The following SDK1 variants were observed in gnomAD, a reference collection of about 807,000 sequenced individuals.
SDK1 encodes the protein sidekick cell adhesion molecule 1, also known as protein sidekick-1.
Under a neutral mutation model 245.5 loss-of-function variants are expected in SDK1, and 157 were observed. The ratio of observed to expected loss-of-function variants is 0.64; its 90% CI spans 0.56 to 0.73. The LOEUF is 0.73. SDK1 is among the 30% of genes least tolerant of loss of function. The pLI is 0.00. For synonymous variants in SDK1, 1,647 were observed against 1,278.5 expected, an observed-to-expected ratio of 1.29 and a Z score of -6.15; for missense variants, 3,583 against 3,002.3, an observed-to-expected ratio of 1.19 and a Z score of -4.52.
intron 17 of SDK1, among the ~76,000 whole-genome samples, chr7:4,020,417 T>A (rs886839614): frequency 3.3e-5 from 5 of 152,158 alleles, no homozygotes; most frequent in Non-Finnish European, 7.3e-5. Context: ...AGCGAGCGTA[T>A]GAATTCTGTC....
chr7:3,315,879 T>C (rs951869607), intron 1 of SDK1, among the ~76,000 whole-genome samples: 1 of 152,182 alleles, frequency 6.6e-6, no homozygotes. Flanking sequence ...TTGGGCCTTA[T>C]TTTGTTCATC....
intron 1 of SDK1, among the ~76,000 whole-genome samples, chr7:3,311,658 A>G (rs1171750995): frequency 1.3e-5 from 2 of 152,202 alleles, no homozygotes; most frequent in Non-Finnish European, 2.9e-5. Context: ...TTTCTGTTTC[A>G]TATGTTGCGA....
At chr7:3,758,022 C>T (rs1036781213) in intron 4 of SDK1, among the ~76,000 whole-genome samples, 1 of 152,058 alleles carries the variant, frequency 6.6e-6, no homozygotes, top group Non-Finnish European at 1.5e-5. Flanking sequence ...GCACAAAGAC[C>T]AAACGTATCT....
chr7:3,521,613 T>A (rs1040541096), intron 1 of SDK1, among the ~76,000 whole-genome samples: 4 of 152,220 alleles, frequency 2.6e-5, no homozygotes, highest in South Asian at 2.1e-4. Context: ...AAAGGCCTTA[T>A]AGAGGAGGAA....
At chr7:3,431,299 A>C (rs1779837893) in intron 1 of SDK1, among the ~76,000 whole-genome samples, 1 of 150,690 alleles carries the variant, frequency 6.6e-6, no homozygotes. Flanking sequence ...ATAAAGTGCC[A>C]CCAAAGAGCT....
chr7:3,902,924 C>G (rs1357711987), intron 5 of SDK1, among the ~76,000 whole-genome samples: 1 of 152,038 alleles, frequency 6.6e-6, no homozygotes, highest in Non-Finnish European at 1.5e-5. Context: ...ATTTTTACCA[C>G]TCAACAATAA....
chr7:3,657,854 A>G (rs963857836), intron 4 of SDK1, among the ~76,000 whole-genome samples: 2 of 152,232 alleles, frequency 1.3e-5, no homozygotes, highest in African/African-American at 4.8e-5. Context: ...GCAGGGGGAA[A>G]GAAAGTGGCT....
chr7:4,221,250 T>C lies in SDK1; in HGVS notation c.5713T>C (p.Ser1905Pro), dbSNP rs763085278. Reference protein sequence around the residue: ...TAGPAEGSPGSPRDVLVTKSA... With the variant: ...TAGPAEGSPGPPRDVLVTKSA... ...TCTTTATCCCGCAGGATCCCCGGGCTCGCCTAGAGATGTCCTGGTCACCAA... is the reference window on the plus strand; with the variant it reads ...TCTTTATCCCGCAGGATCCCCGGGCCCGCCTAGAGATGTCCTGGTCACCAA... Residue 1905 changes from serine to proline, a missense_variant, in exon 40 of 45, where the codon TCG (serine) becomes CCG (proline). Physicochemically the swap from Ser to Pro is moderately conservative, Grantham distance 74. Coordinates refer to ENST00000404826, the MANE Select transcript of SDK1 (RefSeq NM_152744.4). 16 of 1,613,400 alleles carry C rather than the reference T, an allele frequency of 9.9e-6. No homozygotes were observed. Among genetic ancestry groups the C allele is most frequent in the African/African-American group, 1.3e-5 (1 of 74,874 alleles).
chr7:3,844,215 C>T (rs1423072251), intron 5 of SDK1, among the ~76,000 whole-genome samples: 6 of 152,174 alleles, frequency 3.9e-5, no homozygotes, highest in African/African-American at 1.2e-4. Context: ...AGGTGATCTG[C>T]CCACCTCAGC....
chr7:3,370,280 A>G (rs781178310), intron 1 of SDK1, among the ~76,000 whole-genome samples: 8 of 152,214 alleles, frequency 5.3e-5, no homozygotes, highest in Non-Finnish European at 1.2e-4. Flanking sequence ...AGTGAAGCAG[A>G]TGGCTCTTTC....
At chr7:3,645,518 C>G (rs1415835196) in intron 4 of SDK1, among the ~76,000 whole-genome samples, 1 of 152,154 alleles carries the variant, frequency 6.6e-6, no homozygotes, top group Non-Finnish European at 1.5e-5. Flanking sequence ...ATCCCAAGTA[C>G]ACTGATTTGA....
At position 4,079,602 on chromosome 7, in the gene SDK1, C is replaced by T; in HGVS notation, c.3324+18C>T. 1 of 1,613,778 alleles carries T rather than the reference C, an allele frequency of 6.2e-7. No homozygotes were observed. On this transcript the variant is annotated intron_variant, in intron 22 of 44. Coordinates refer to ENST00000404826, the MANE Select transcript of SDK1 (RefSeq NM_152744.4). ...AGGGGCAGGTACGTGTGTCGTTAGA[C>T]TGGGAGCTGGCATTTGCGAAGAGCA...
At chr7:3,592,560 G>C (rs76659737) in intron 1 of SDK1, among the ~76,000 whole-genome samples, 4,059 of 152,194 alleles carry the variant, frequency 0.027, 175 homozygotes, top group African/African-American at 0.087. Flanking sequence ...GCCCAGTGAA[G>C]GTTATTTATT....
chr7:3,583,920 G>C (rs1331223841), intron 1 of SDK1, among the ~76,000 whole-genome samples: 1 of 152,160 alleles, frequency 6.6e-6, no homozygotes, highest in Non-Finnish European at 1.5e-5. Flanking sequence ...TGTTTGCTTG[G>C]AGTGAAGGTC....
At chr7:4,249,174 A>G (rs879726859) in intron 44 of SDK1, among the ~76,000 whole-genome samples, 3 of 152,172 alleles carry the variant, frequency 2.0e-5, no homozygotes, top group African/African-American at 7.2e-5. Context: ...ACTAAATGGA[A>G]TTCTGCACAG....
intron 2 of SDK1, among the ~76,000 whole-genome samples, chr7:3,636,991 T>A (rs766377528): frequency 5.9e-5 from 9 of 152,140 alleles, no homozygotes; most frequent in Non-Finnish European, 1.0e-4. Context: ...TGGAGAAATG[T>A]CTGTCTAGTA....
In SDK1 at chr7:4,040,448, A is replaced by G. The variant is rs77775006; in HGVS notation, c.2603-8900A>G. ...GCATTTTTGTCTAGGGTAATACCCA[A>G]AGTTTGTTGTCTCACGCTGACGAAA... is the stretch of plus-strand genomic sequence containing the variant. On this transcript the variant is annotated intron_variant, in intron 17 of 44. Transcript: ENST00000404826. Among the ~76,000 whole-genome samples, 788 of 152,184 alleles carry G rather than the reference A, an allele frequency of 5.2e-3. 3 individuals are homozygous for G. The highest frequency in any genetic ancestry group is 0.019 in the African/African-American group (775 of 41,490).
chr7:3,826,653 C>G (rs926985266), intron 5 of SDK1, among the ~76,000 whole-genome samples: 1 of 152,122 alleles, frequency 6.6e-6, no homozygotes, highest in East Asian at 1.9e-4. Context: ...AAACTGCATC[C>G]CATGCCTATG....
chr7:4,032,230 G>C (rs1329697298), intron 17 of SDK1, among the ~76,000 whole-genome samples: 1 of 152,134 alleles, frequency 6.6e-6, no homozygotes, highest in Non-Finnish European at 1.5e-5. Context: ...TAAAACAGTA[G>C]ATCATATTCA....
Sources: allele counts gnomAD v4.1 joint callset (sites outside exome capture counted in the v4.1 genomes callset), GRCh38; gene constraint gnomAD v4.1.1; transcripts MANE v1.5; gene names NCBI Gene and HGNC (gene_info 2026-07-23, HGNC 2026-07-21).